Variants in TSPEAR observed in about 807,000 individuals in gnomAD.
The protein encoded by TSPEAR is thrombospondin type laminin G domain and EAR repeats.
TSPEAR carries 69 observed loss-of-function variants against 71.6 expected under a neutral mutation model. The observed-to-expected ratio is 0.96, with a 90% CI of 0.79 to 1.18. The LOEUF is 1.18. TSPEAR is among the 50% of genes most tolerant of loss of function. TSPEAR has a pLI of 0.00. For synonymous variants in TSPEAR, 402 were observed against 387.2 expected, an observed-to-expected ratio of 1.04 and a Z score of -0.45; for missense variants, 971 against 894.9, an observed-to-expected ratio of 1.09 and a Z score of -1.09.
chr21:44,551,967 C>T (rs1381714364), intron 2 of TSPEAR, among the ~76,000 whole-genome samples: 21 of 152,190 alleles, frequency 1.4e-4, no homozygotes, highest in Non-Finnish European at 1.3e-4. Context: ...CGCTTCCTGG[C>T]GGGCTCTGGG....
chr21:44,669,259 C>T (rs1985940229), intron 1 of TSPEAR, among the ~76,000 whole-genome samples: 1 of 152,100 alleles, frequency 6.6e-6, no homozygotes, highest in Non-Finnish European at 1.5e-5. Flanking sequence ...CCCGCCTCTA[C>T]TAAAAATACA....
chr21:44,518,466 A>G (rs2052655649), intron 9 of TSPEAR: 6 of 380,244 alleles, frequency 1.6e-5, no homozygotes, highest in South Asian at 8.1e-5. Context: ...ATAATCTCCA[A>G]AACGCACTCC....
chr21:44,632,830 C>T (rs774841872), intron 1 of TSPEAR, among the ~76,000 whole-genome samples: 3 of 151,896 alleles, frequency 2.0e-5, no homozygotes, highest in African/African-American at 7.3e-5. Context: ...GGTGGCAGTG[C>T]AAGACTCCAT....
At chr21:44,669,369 G>A (rs1217882495) in intron 1 of TSPEAR, among the ~76,000 whole-genome samples, 1 of 152,176 alleles carries the variant, frequency 6.6e-6, no homozygotes, top group Admixed American at 6.5e-5. Context: ...TTTGCAGTGA[G>A]GTGAGATTGC....
In TSPEAR at chr21:44,690,953, A is replaced by G. The variant is rs528026213; in HGVS notation, c.82+20480T>C. ...TAAAGTAGTGGAAATATTTTTTCAA[A>G]CTGAATCTGACCTAGAAGTCAAGTC... On this transcript the variant is annotated intron_variant, in intron 1 of 11. Coordinates refer to ENST00000323084, the MANE Select transcript of TSPEAR (RefSeq NM_144991.3). 2.0e-5 allele frequency among the ~76,000 whole-genome samples: 3 copies of G among 152,286 alleles called. No individual in the cohort carries two copies. In the East Asian group the frequency reaches 5.8e-4, roughly 29 times the overall value.
chr21:44,697,726 G>C (rs1987439067), intron 1 of TSPEAR: 2 of 1,614,074 alleles, frequency 1.2e-6, no homozygotes, highest in Non-Finnish European at 1.7e-6. Flanking sequence ...TGTGCTGCCA[G>C]CAGTCTAGCT....
At position 44,525,698 on chromosome 21, in the gene TSPEAR, C is replaced by T. The variant is rs1326762769; in HGVS notation, c.1291G>A (p.Glu431Lys). The T allele has an allele frequency of 6.8e-6, 11 of 1,614,060 alleles. 1 individual carries two copies. The highest frequency in any genetic ancestry group is 3.3e-5 in the South Asian group (3 of 91,080). Residue 431 changes from glutamate (E) to lysine (K), a missense_variant, in exon 8 of 12, where the codon GAG becomes AAG. Glu to Lys is a moderately conservative substitution (Grantham distance 56). Transcript: ENST00000323084. ...THSARDWEAF[E>K]VDGEHFLAVA... ...GCCAGGAAGTGCTCCCCATCCACCT[C>T]GAAGGCCTCCCAGTCTCGGGCGCTG...
At chr21:44,706,094 C>T (rs1159458616) in intron 1 of TSPEAR, among the ~76,000 whole-genome samples, 1 of 152,202 alleles carries the variant, frequency 6.6e-6, no homozygotes, top group Non-Finnish European at 1.5e-5. Flanking sequence ...CCCGATAACC[C>T]CCAGCTGCAG....
At chr21:44,631,828 G>A (rs139993838) in intron 1 of TSPEAR, among the ~76,000 whole-genome samples, 77 of 152,330 alleles carry the variant, frequency 5.1e-4, no homozygotes, top group Non-Finnish European at 9.1e-4. Flanking sequence ...AGTGTCAGAA[G>A]AAGAGCAGAG....
chr21:44,654,638 G>C, intron 1 of TSPEAR: 1 of 1,483,398 alleles, frequency 6.7e-7, no homozygotes, highest in South Asian at 1.3e-5. Flanking sequence ...CAGGTGGGGG[G>C]CGCAGAGGAC....
At chr21:44,517,713 C>T in intron 9 of TSPEAR, 3 of 469,364 alleles carry the variant, frequency 6.4e-6, no homozygotes, top group South Asian at 4.7e-5. Flanking sequence ...TGGCCAGCGT[C>T]CTTGTCCTGC....
intron 1 of TSPEAR, among the ~76,000 whole-genome samples, chr21:44,709,520 C>T (rs1179981769): frequency 1.3e-5 from 2 of 152,242 alleles, no homozygotes; most frequent in Non-Finnish European, 2.9e-5. Flanking sequence ...AAAGCAGGTT[C>T]CCCTCCTGAC....
intron 1 of TSPEAR, among the ~76,000 whole-genome samples, chr21:44,569,237 C>T (rs587616789): frequency 9.8e-5 from 15 of 152,334 alleles, no homozygotes; most frequent in Admixed American, 2.6e-4. Context: ...CATCCTGGTC[C>T]GCACACGCGC....
chr21:44,677,230 T>C, intron 1 of TSPEAR: 1 of 717,306 alleles, frequency 1.4e-6, no homozygotes, highest in South Asian at 1.6e-5. Flanking sequence ...ACCTCTTCTT[T>C]GGCTTTGAGA....
At chr21:44,549,413 C>T (rs115038057) in intron 2 of TSPEAR, among the ~76,000 whole-genome samples, 2,225 of 152,336 alleles carry the variant, frequency 0.015, 55 homozygotes, top group African/African-American at 0.051. Context: ...GGGCCATCCA[C>T]CTGGCGTTGC....
chr21:44,699,175 C>T (rs189434981), intron 1 of TSPEAR, among the ~76,000 whole-genome samples: 57 of 151,286 alleles, frequency 3.8e-4, no homozygotes, highest in African/African-American at 1.4e-3. Context: ...CCAGCCTGGA[C>T]GACAGAGTGA....
chr21:44,528,691 G>T, intron 5 of TSPEAR, 108 bp from the exon 6 acceptor site: 1 of 1,443,866 alleles, frequency 6.9e-7, no homozygotes, highest in Non-Finnish European at 9.3e-7. Flanking sequence ...GCCTCTGCAT[G>T]CGGGCCTGGA....
At chr21:44,522,192 T>C in intron 8 of TSPEAR, 80 bp from the exon 9 acceptor site, 1 of 1,387,658 alleles carries the variant, frequency 7.2e-7, no homozygotes, top group Non-Finnish European at 1.0e-6. Context: ...CAGAGCCCAG[T>C]CCAAGTCCCT....
chr21:44,549,535 C>T (rs1166243271), intron 2 of TSPEAR, among the ~76,000 whole-genome samples: 1 of 152,172 alleles, frequency 6.6e-6, no homozygotes, highest in African/African-American at 2.4e-5. Context: ...ATAATGTGTG[C>T]CCCCCGCATT....
Sources: gnomAD v4.1 joint callset for allele counts (sites outside exome capture counted in the v4.1 genomes callset) on GRCh38, gnomAD v4.1.1 for gene constraint, MANE v1.5 for transcripts, NCBI Gene and HGNC (gene_info 2026-07-23, HGNC 2026-07-21) for gene names.